PHF24: variants seen among roughly 807,000 people sequenced by gnomAD.
PHF24 encodes Galpha inhibitory interacting protein.
PHF24 carries 25 observed loss-of-function variants against 42.6 expected under a neutral mutation model. That is an observed-to-expected ratio of 0.59 (90% CI 0.43 to 0.82). The LOEUF is 0.82. Ranked by LOEUF, PHF24 falls within the 40% of genes least tolerant of loss-of-function variation. PHF24 has a pLI of 0.00. For synonymous variants in PHF24, 185 were observed against 204.8 expected (o/e 0.90, Z 0.83); for missense variants, 470 against 538.1 (o/e 0.87, Z 1.25).
chr9:34,959,003 G>GT (rs2132846371), intron 1 of PHF24, among the ~76,000 whole-genome samples: 1 of 152,288 alleles, frequency 6.6e-6, no homozygotes, highest in East Asian at 1.9e-4. Flanking sequence ...CAGAGGTGGG[G>GT]GCCTTCTAGG....
chr9:34,968,485 T>C (rs1826857359), intron 1 of PHF24, among the ~76,000 whole-genome samples: 1 of 152,260 alleles, frequency 6.6e-6, no homozygotes, highest in South Asian at 2.1e-4. Flanking sequence ...CGTCACATAC[T>C]TCAGTTTTAC....
the PHF24 span, among the ~76,000 whole-genome samples, chr9:34,946,912 T>G: frequency 6.6e-6 from 1 of 152,124 alleles, no homozygotes. Context: ...AATCAAAAGT[T>G]CCCAGGTCCT....
chr9:34,753,741 A>G, the PHF24 span, among the ~76,000 whole-genome samples: 194 of 152,326 alleles, frequency 1.3e-3, no homozygotes, highest in African/African-American at 4.4e-3. Flanking sequence ...TTCAAATTGT[A>G]CTACAGAGGT....
the PHF24 span, chr9:34,709,682 C>T: frequency 6.2e-7 from 1 of 1,613,848 alleles, no homozygotes; most frequent in Non-Finnish European, 8.5e-7. Context: ...GGGGCAAGAA[C>T]CTGCGGGTGG....
the PHF24 span, among the ~76,000 whole-genome samples, chr9:34,902,871 AAGT>A: frequency 2.6e-5 from 4 of 152,214 alleles, no homozygotes; most frequent in Non-Finnish European, 5.9e-5. Flanking sequence ...ATATTATGAA[AAGT>A]CCTCATATAA....
At chr9:34,855,672 G>C in the PHF24 span, among the ~76,000 whole-genome samples, 1 of 152,270 alleles carries the variant, frequency 6.6e-6, no homozygotes, top group Non-Finnish European at 1.5e-5. Context: ...TTCCTTTGTA[G>C]ATGACCTGGC....
chr9:34,921,339 G>A, the PHF24 span, among the ~76,000 whole-genome samples: 1 of 151,186 alleles, frequency 6.6e-6, no homozygotes, highest in Non-Finnish European at 1.5e-5. Context: ...TACAGCACAT[G>A]CATGTTAGGC....
the PHF24 span, among the ~76,000 whole-genome samples, chr9:34,860,147 C>T: frequency 5.3e-5 from 8 of 152,216 alleles, no homozygotes; most frequent in East Asian, 5.8e-4. Context: ...AAACTGTCTA[C>T]GCTGTAAGCT....
intron 1 of PHF24, among the ~76,000 whole-genome samples, chr9:34,970,185 C>T (rs1032265099): frequency 3.9e-5 from 6 of 152,208 alleles, no homozygotes; most frequent in Admixed American, 3.3e-4. Context: ...CACTAAGTCT[C>T]CTCAGGCTAG....
the PHF24 span, among the ~76,000 whole-genome samples, chr9:34,848,814 T>C: frequency 6.6e-6 from 1 of 152,190 alleles, no homozygotes; most frequent in African/African-American, 2.4e-5. Context: ...TTGTTCTCGT[T>C]GGTTTCAAAG....
chr9:34,762,459 A>G, the PHF24 span, among the ~76,000 whole-genome samples: 3 of 150,846 alleles, frequency 2.0e-5, no homozygotes, highest in Non-Finnish European at 3.0e-5. Context: ...GATGGTGAGC[A>G]TTTTTTCATG....
the PHF24 span, among the ~76,000 whole-genome samples, chr9:34,825,340 C>T: frequency 3.3e-5 from 5 of 151,896 alleles, no homozygotes; most frequent in African/African-American, 9.7e-5. Context: ...TTGTTGAGAC[C>T]AGAGGTATGC....
At chr9:34,850,586 C>A in the PHF24 span, among the ~76,000 whole-genome samples, 1 of 152,154 alleles carries the variant, frequency 6.6e-6, no homozygotes, top group Non-Finnish European at 1.5e-5. Context: ...TCATCTGAAG[C>A]CTTCTTCTCT....
the PHF24 span, among the ~76,000 whole-genome samples, chr9:34,911,773 T>C: frequency 0.043 from 6,434 of 151,336 alleles, 139 homozygotes; most frequent in Middle Eastern, 0.052. Flanking sequence ...CCCCCACTGA[T>C]TGTAACAAAA....
chr9:34,716,045 G>A, the PHF24 span, among the ~76,000 whole-genome samples: 1 of 152,206 alleles, frequency 6.6e-6, no homozygotes, highest in Non-Finnish European at 1.5e-5. Flanking sequence ...GGGCCCATGG[G>A]CCTGTATATC....
the PHF24 span, chr9:34,922,241 C>A: frequency 1.3e-6 from 2 of 1,593,026 alleles, no homozygotes; most frequent in Admixed American, 3.3e-5. Flanking sequence ...CCGATGTCCA[C>A]AATGTCAAGT....
chr9:34,839,832 G>A, the PHF24 span, among the ~76,000 whole-genome samples: 1 of 152,170 alleles, frequency 6.6e-6, no homozygotes, highest in South Asian at 2.1e-4. Context: ...TATTACTGAG[G>A]TTCAGGTCTC....
the PHF24 span, among the ~76,000 whole-genome samples, chr9:34,755,009 T>A: frequency 1.3e-5 from 2 of 151,934 alleles, no homozygotes; most frequent in Non-Finnish European, 2.9e-5. Flanking sequence ...ATGAAAACAA[T>A]TGAACTCATG....
At chr9:34,931,995 G>GT in the PHF24 span, among the ~76,000 whole-genome samples, 553 of 152,312 alleles carry the variant, frequency 3.6e-3, 1 homozygote, top group South Asian at 0.027. Context: ...AAAGAAAAGT[G>GT]TAAGTCCTTA....
Sources: gnomAD v4.1 joint callset for allele counts (sites outside exome capture counted in the v4.1 genomes callset) on GRCh38, gnomAD v4.1.1 for gene constraint, MANE v1.5 for transcripts, NCBI Gene and HGNC (gene_info 2026-07-23, HGNC 2026-07-21) for gene names.